Variants in ASL observed in about 807,000 individuals in gnomAD.
ASL encodes argininosuccinase.
ASL carries 51 observed loss-of-function variants against 69.1 expected under a neutral mutation model. That is an observed-to-expected ratio of 0.74 (90% CI 0.59 to 0.93). The LOEUF is 0.93. Among genes scored for constraint, ASL ranks in the 40% least tolerant of loss-of-function variants. The pLI, the probability that ASL is intolerant of heterozygous loss-of-function variation, is 0.00. For missense variants in ASL, 540 were observed against 623.9 expected (o/e 0.87, Z 1.43); for synonymous variants, 241 against 247.6 (o/e 0.97, Z 0.25).
chr7:66,078,266 G>C (rs957306553), intron 2 of ASL, among the ~76,000 whole-genome samples: 1 of 152,118 alleles, frequency 6.6e-6, no homozygotes, highest in Non-Finnish European at 1.5e-5. Flanking sequence ...GTGGTGCTTT[G>C]CTGGAGATCT....
At position 66,083,167 on chromosome 7, in the gene ASL, G is replaced by T. The variant is rs983867765; in HGVS notation, c.439G>T (p.Ala147Ser). The T allele has an allele frequency of 6.2e-7, 1 of 1,612,660 alleles. No individual in the cohort carries two copies. Among genetic ancestry groups the T allele is most frequent in the Non-Finnish European group, 8.5e-7 (1 of 1,179,884 alleles). Reference sequence around the variant, plus strand: ...GCTCATTAGGACCATGGTGGATCGGGCAGAGGCGTGAGTCCTACAGGGACA... The same window carrying T: ...GCTCATTAGGACCATGGTGGATCGGTCAGAGGCGTGAGTCCTACAGGGACA... ...WELIRTMVDRAEAERDVLFPG... is the reference protein window; with the variant it reads ...WELIRTMVDRSEAERDVLFPG... The change falls in exon 6 of 17, where the codon GCA becomes TCA. Residue 147 changes from alanine to serine, a missense_variant. Physicochemically the swap from Ala to Ser is moderately conservative, Grantham distance 99. Transcript: ENST00000304874.
In ASL at chr7:66,083,014, G is replaced by A. The variant is rs138924348; in HGVS notation, c.349-63G>A. 535 of 1,610,996 alleles carry A rather than the reference G, an allele frequency of 3.3e-4. 2 individuals are homozygous for A. In the African/African-American group the frequency reaches 5.9e-3, roughly 18 times the overall value. ...CAGGGGGCAGTTAGAGTTCTGCAGC[G>A]GTCCTGGCTCCTCAGGGAAGCAACA... On this transcript the variant is annotated intron_variant, in intron 5 of 16. Transcript: ENST00000304874.
rs1160530105 is a variant in ASL at position 66,075,870 on chromosome 7, G to A, written c.-44+14G>A. On this transcript the variant is annotated intron_variant, in intron 1 of 16. Coordinates refer to ENST00000304874, the MANE Select transcript of ASL (RefSeq NM_000048.4). ...GGCCAGGCGGAGGTGAGTGCGCGGC[G>A]GCCGGATGGGCGGGACGGGCGTGGA... is the stretch of plus-strand genomic sequence containing the variant. 3 of 579,990 alleles carry A rather than the reference G, an allele frequency of 5.2e-6. No individual in the cohort carries two copies. The highest frequency in any genetic ancestry group is 9.2e-6 in the Non-Finnish European group (3 of 326,692). 35.9% of individuals were successfully genotyped at this position (579,990 alleles called of 1,614,324 possible).
At position 66,082,834 on chromosome 7, in the gene ASL, C is replaced by A. The variant is rs1786547199; in HGVS notation, c.292-46C>A. 1.9e-6 allele frequency: 3 copies of A among 1,611,412 alleles called. No individual in the cohort carries two copies. In the Admixed American group the frequency reaches 5.0e-5, roughly 27 times the overall value. ...GAAAACTGCCCTGCCTGGGTTGACT[C>A]CTCTGGGGGTATAGACCGTGACCCT... is the stretch of plus-strand genomic sequence containing the variant. On this transcript the variant is annotated intron_variant, in intron 4 of 16. Coordinates refer to ENST00000304874, the MANE Select transcript of ASL (RefSeq NM_000048.4).
Position 66,092,959 on chromosome 7 carries a change from G to A in ASL, c.*47G>A. 3 of 1,565,696 alleles carry A rather than the reference G, an allele frequency of 1.9e-6. No individual in the cohort carries two copies. Among genetic ancestry groups the A allele is most frequent in the Non-Finnish European group, 2.6e-6 (3 of 1,163,764 alleles). On this transcript the variant is annotated 3_prime_UTR_variant, in exon 17 of 17. Coordinates refer to ENST00000304874, the MANE Select transcript of ASL (RefSeq NM_000048.4). ...AATAAAGTGGGCGCGAGAGGAGGCT[G>A]CTGTGTGTTTCCTGCCCCAGCCTGG...
chr7:66,087,133 G>A (rs1177857273), intron 8 of ASL: 1 of 671,762 alleles, frequency 1.5e-6, no homozygotes, highest in Non-Finnish European at 2.6e-6. Context: ...CAAGTGTTTT[G>A]TGGACACTTG....
intron 2 of ASL, among the ~76,000 whole-genome samples, chr7:66,077,495 G>A (rs976614607): frequency 9.9e-5 from 15 of 152,012 alleles, no homozygotes; most frequent in East Asian, 1.9e-4. Flanking sequence ...TTGGGAGGTC[G>A]AGGTGGGCAG....
At chr7:66,077,338 T>C (rs1031646746) in intron 2 of ASL, among the ~76,000 whole-genome samples, 7 of 151,920 alleles carry the variant, frequency 4.6e-5, no homozygotes, top group Non-Finnish European at 1.0e-4. Flanking sequence ...GGCATGAGGA[T>C]TGCTTGAGCC....
intron 6 of ASL, among the ~76,000 whole-genome samples, chr7:66,084,409 G>A (rs1032753732): frequency 2.0e-5 from 3 of 151,880 alleles, no homozygotes; most frequent in South Asian, 4.2e-4. Flanking sequence ...TGATCTGCCC[G>A]CGTCGGCCTG....
At position 66,083,080 on chromosome 7, in the gene ASL, G is replaced by T. The variant is rs1017379965; in HGVS notation, c.352G>T (p.Val118Phe). Residue 118 changes from valine (V) to phenylalanine (F), a missense_variant, in exon 6 of 17, where the codon GTC becomes TTC. Val to Phe is a conservative substitution (Grantham distance 50). Transcript: ENST00000304874. ...GCACCATCTCCTCCTTGCACAGGTG[G>T]TCACAGACCTCAGGCTGTGGATGCG... ...HTGRSRNDQV[V>F]TDLRLWMRQT... The T allele has an allele frequency of 2.5e-6, 4 of 1,613,718 alleles. No individual in the cohort carries two copies. In the African/African-American group the frequency reaches 5.3e-5, roughly 22 times the overall value.
At chr7:66,076,175 G>C (rs896849781) in intron 2 of ASL, 82 bp downstream of exon 2, 6 of 1,523,318 alleles carry the variant, frequency 3.9e-6, no homozygotes, top group Admixed American at 4.0e-5. Context: ...GGGCCACCCT[G>C]CTGGGAATCG....
At chr7:66,092,474 A>AG in intron 15 of ASL, 83 bp from the exon 16 acceptor site, 1 of 1,327,760 alleles carries the variant, frequency 7.5e-7, no homozygotes, top group East Asian at 2.3e-5. Flanking sequence ...AAAAAAAAAA[A>AG]AAAGGAAGGG....
At chr7:66,084,681 G>A (rs1402619517) in intron 6 of ASL, among the ~76,000 whole-genome samples, 1 of 151,918 alleles carries the variant, frequency 6.6e-6, no homozygotes, top group Non-Finnish European at 1.5e-5. Flanking sequence ...GTGCAGTGGC[G>A]TGATCTCCAC....
intron 8 of ASL, 105 bp from the exon 9 acceptor site, chr7:66,087,215 CCAGGACTTGGTTCT>C: frequency 7.8e-7 from 1 of 1,289,398 alleles, no homozygotes; most frequent in Non-Finnish European, 1.1e-6. Flanking sequence ...GCCCTGGCAA[CCAGGACTTGGTTCT>C]CTGTGTGTGC....
intron 2 of ASL, among the ~76,000 whole-genome samples, chr7:66,076,393 G>GTTT (rs1786347875): frequency 1.3e-5 from 2 of 152,150 alleles, no homozygotes; most frequent in African/African-American, 4.8e-5. Flanking sequence ...AGGAAAAGTG[G>GTTT]CTCCCAAGCC....
chr7:66,089,536 G>T, intron 13 of ASL, 76 bp from the exon 14 acceptor site: 1 of 1,534,756 alleles, frequency 6.5e-7, no homozygotes, highest in Non-Finnish European at 9.0e-7. Flanking sequence ...GGATGCCTCA[G>T]TGGGGGGGTG....
intron 8 of ASL, 102 bp downstream of exon 8, chr7:66,086,923 C>T (rs777116121): frequency 5.2e-6 from 7 of 1,349,420 alleles, no homozygotes; most frequent in Non-Finnish European, 7.1e-6. Context: ...AGAAAACCGC[C>T]TTATCTGCTC....
rs1216597452 is a variant in ASL at position 66,093,000 on chromosome 7, G to A, written c.*88G>A. ...CCCAGCCTGGCTCCCTCGTTGCTGGGCTTTCGGGGCTGGCCAGTGGGGACA... is the reference window on the plus strand; with the variant it reads ...CCCAGCCTGGCTCCCTCGTTGCTGGACTTTCGGGGCTGGCCAGTGGGGACA... On this transcript the variant is annotated 3_prime_UTR_variant, in exon 17 of 17. Transcript: ENST00000304874. The A allele has an allele frequency of 1.3e-6, 2 of 1,532,922 alleles. No homozygotes were observed. The highest frequency in any genetic ancestry group is 1.4e-5 in the African/African-American group (1 of 72,960). The allele number at this position is 1,532,922 out of a possible 1,614,324, so 95.0% of individuals were successfully genotyped here.
intron 2 of ASL, among the ~76,000 whole-genome samples, chr7:66,079,421 C>T (rs570746491): frequency 2.2e-3 from 336 of 152,210 alleles, no homozygotes; most frequent in Non-Finnish European, 3.8e-3. Flanking sequence ...TCTGTACCCC[C>T]TCCCCACTCT....
Sources: allele counts gnomAD v4.1 joint callset (sites outside exome capture counted in the v4.1 genomes callset), GRCh38; gene constraint gnomAD v4.1.1; transcripts MANE v1.5; gene names NCBI Gene and HGNC (gene_info 2026-07-23, HGNC 2026-07-21).